Variants in FMN2 observed in about 807,000 individuals in gnomAD.
The protein encoded by FMN2 is formin-2.
Under a neutral mutation model 142.3 loss-of-function variants are expected in FMN2, and 51 were observed. The observed-to-expected ratio is 0.36, with a 90% CI of 0.29 to 0.45. FMN2 has a LOEUF of 0.45. Ranked by LOEUF, FMN2 falls within the 20% of genes least tolerant of loss-of-function variation. FMN2 has a pLI of 1.00. For synonymous variants in FMN2, 882 were observed against 869.8 expected (o/e 1.01, Z -0.25); for missense variants, 1,936 against 2,122.8 (o/e 0.91, Z 1.73).
At chr1:240,426,106 G>GCTTCTCCAAAGAGAATATCT (rs1433091287) in intron 15 of FMN2, among the ~76,000 whole-genome samples, 4 of 152,176 alleles carry the variant, frequency 2.6e-5, no homozygotes, top group African/African-American at 9.7e-5. Context: ...CAGAGAATAT[G>GCTTCTCCAAAGAGAATATCT]CTTCTCCAAA....
In FMN2 at chr1:240,188,353, CG is replaced by C; in HGVS notation, c.1986+93del. 3 of 1,378,988 alleles carry C rather than the reference CG, an allele frequency of 2.2e-6. No individual in the cohort carries two copies. The South Asian group carries it at 3.7e-5, about 17-fold the overall frequency. The allele number at this position is 1,378,988 out of a possible 1,614,324, so 85.4% of individuals were successfully genotyped here. A position where few individuals can be genotyped will look rare whatever the true frequency, so the allele number is the denominator to read the frequency against. ...TCTGCGATTTATCTTTCCATCTGCC[CG>C]GCTGGCTAGGATGCCCTTGTTTTCC... On this transcript the variant is annotated intron_variant, in intron 4 of 17. Coordinates refer to ENST00000319653, the MANE Select transcript of FMN2 (RefSeq NM_020066.5).
In FMN2 at chr1:240,352,644, G is replaced by C. The variant is rs1022531157; in HGVS notation, c.4766-3172G>C. ...TGGGAACACTGTGTCACCTGACGTTGCTAGAAATAACCCACTGAAATGATA... is the reference window on the plus strand; with the variant it reads ...TGGGAACACTGTGTCACCTGACGTTCCTAGAAATAACCCACTGAAATGATA... On this transcript the variant is annotated intron_variant, in intron 13 of 17. Transcript: ENST00000319653. Among the ~76,000 whole-genome samples the C allele has an allele frequency of 7.2e-5, 11 of 152,270 alleles. No homozygotes were observed. In the South Asian group the frequency reaches 2.3e-3, roughly 32 times the overall value.
intron 4 of FMN2, among the ~76,000 whole-genome samples, chr1:240,195,235 G>A (rs1049408448): frequency 3.3e-5 from 5 of 152,186 alleles, no homozygotes; most frequent in Admixed American, 6.5e-5. Flanking sequence ...GTTGCTTGAC[G>A]TGGACTTTCC....
chr1:240,395,041 A>G (rs1318267133), intron 15 of FMN2, among the ~76,000 whole-genome samples: 1 of 152,252 alleles, frequency 6.6e-6, no homozygotes, highest in East Asian at 1.9e-4. Flanking sequence ...GTTAGGGGAT[A>G]ATGCAGCTGG....
At chr1:240,142,732 G>T in intron 2 of FMN2, 10 of 1,610,494 alleles carry the variant, frequency 6.2e-6, no homozygotes, top group Non-Finnish European at 7.6e-6. Context: ...GTAACAGGAA[G>T]AAACTCCTCA....
At chr1:240,144,013 G>C (rs1190161314) in intron 2 of FMN2, 2 of 1,179,646 alleles carry the variant, frequency 1.7e-6, no homozygotes, top group Non-Finnish European at 2.6e-6. Context: ...ACTCATTCCA[G>C]ACCCCAGAGT....
chr1:240,274,697 G>A (rs1364179510), intron 7 of FMN2, among the ~76,000 whole-genome samples: 4 of 152,102 alleles, frequency 2.6e-5, no homozygotes, highest in Admixed American at 2.0e-4. Context: ...AGCAACAGAT[G>A]TGAGATGCTG....
At chr1:240,319,868 G>A (rs1388556417) in intron 8 of FMN2, among the ~76,000 whole-genome samples, 1 of 152,134 alleles carries the variant, frequency 6.6e-6, no homozygotes, top group African/African-American at 2.4e-5. Flanking sequence ...TATCATAGCC[G>A]CCTGTTTCCC....
chr1:240,404,796 G>A (rs1296126060), intron 15 of FMN2, among the ~76,000 whole-genome samples: 6 of 152,206 alleles, frequency 3.9e-5, no homozygotes, highest in Non-Finnish European at 4.4e-5. Context: ...TCTGGCCTTG[G>A]AAAGTTATAC....
intron 16 of FMN2, among the ~76,000 whole-genome samples, chr1:240,451,717 C>T (rs1372812601): frequency 1.3e-5 from 2 of 151,886 alleles, no homozygotes; most frequent in Non-Finnish European, 2.9e-5. Context: ...GCTTATAAGC[C>T]TGATATAGTA....
intron 16 of FMN2, among the ~76,000 whole-genome samples, chr1:240,440,466 T>C (rs1468038267): frequency 6.6e-6 from 1 of 151,868 alleles, no homozygotes; most frequent in Non-Finnish European, 1.5e-5. Context: ...CTTCACTCTC[T>C]AAGTATCTCA....
chr1:240,284,340 TG>T (rs966678360), intron 7 of FMN2, among the ~76,000 whole-genome samples: 3 of 152,058 alleles, frequency 2.0e-5, no homozygotes, highest in Admixed American at 6.6e-5. Flanking sequence ...TCTTTTAAGC[TG>T]GGGGGGAGGA....
intron 2 of FMN2, among the ~76,000 whole-genome samples, chr1:240,148,926 C>T (rs890089821): frequency 6.6e-6 from 1 of 150,742 alleles, no homozygotes; most frequent in African/African-American, 2.4e-5. Flanking sequence ...GAGTCTAGAT[C>T]GCGCCACTGC....
At chr1:240,161,532 GAA>G (rs35184213) in intron 2 of FMN2, among the ~76,000 whole-genome samples, 18 of 134,786 alleles carry the variant, frequency 1.3e-4, no homozygotes, top group African/African-American at 4.0e-4. Context: ...GACTCCACCT[GAA>G]AAAAAAAAAA....
chr1:240,122,570 A>G (rs530262310), intron 1 of FMN2, among the ~76,000 whole-genome samples: 2 of 152,222 alleles, frequency 1.3e-5, no homozygotes, highest in African/African-American at 4.8e-5. Context: ...GGTGTGAGCC[A>G]CCATGTCTGG....
At chr1:240,360,989 G>T (rs1036044689) in intron 14 of FMN2, among the ~76,000 whole-genome samples, 2 of 151,518 alleles carry the variant, frequency 1.3e-5, no homozygotes, top group African/African-American at 4.8e-5. Flanking sequence ...GGAGAGGGGG[G>T]AGGGATAGCA....
At chr1:240,268,118 C>T (rs1668878397) in intron 7 of FMN2, among the ~76,000 whole-genome samples, 1 of 151,954 alleles carries the variant, frequency 6.6e-6, no homozygotes, top group Non-Finnish European at 1.5e-5. Context: ...TCATTAGACC[C>T]AGTGATCTCA....
chr1:240,302,053 A>G (rs1670219533), intron 8 of FMN2, among the ~76,000 whole-genome samples: 1 of 151,592 alleles, frequency 6.6e-6, no homozygotes, highest in African/African-American at 2.4e-5. Context: ...TGTTCATTAG[A>G]TTTTCCATCA....
At chr1:240,169,995 T>C (rs1466801816) in intron 2 of FMN2, among the ~76,000 whole-genome samples, 1 of 152,180 alleles carries the variant, frequency 6.6e-6, no homozygotes, top group Admixed American at 6.5e-5. Context: ...TGATAGTTTC[T>C]TATTAAGAGA....
Sources: gnomAD v4.1 joint callset for allele counts (sites outside exome capture counted in the v4.1 genomes callset) on GRCh38, gnomAD v4.1.1 for gene constraint, MANE v1.5 for transcripts, NCBI Gene and HGNC (gene_info 2026-07-23, HGNC 2026-07-21) for gene names.